Variants in BIRC3 observed in about 807,000 individuals in gnomAD.
BIRC3 encodes the protein baculoviral IAP repeat-containing protein 3.
BIRC3 carries 26 observed loss-of-function variants against 59.0 expected under a neutral mutation model. The ratio of observed to expected loss-of-function variants is 0.44; its 90% CI spans 0.32 to 0.61. The LOEUF is 0.61. Ranked by LOEUF, BIRC3 falls within the 20% of genes least tolerant of loss-of-function variation. The probability of loss-of-function intolerance (pLI) is 0.04; values close to 1 mark genes in which losing one functional copy is unlikely to be tolerated. For missense variants in BIRC3, 641 were observed against 711.5 expected, an observed-to-expected ratio of 0.90 and a Z score of 1.13; for synonymous variants, 243 against 249.2, an observed-to-expected ratio of 0.98 and a Z score of 0.24.
rs1231165091 is a variant in BIRC3 at position 102,324,488 on chromosome 11, T to C, written c.-22T>C. 1 of 1,583,472 alleles carries C rather than the reference T, an allele frequency of 6.3e-7. No individual in the cohort carries two copies. Among genetic ancestry groups the C allele is most frequent in the Non-Finnish European group, 8.6e-7 (1 of 1,164,380 alleles). ...CCTCCCTAGAGAAAGGCTAGTCCCT[T>C]TTCTTCCCCATTCATTTCATTATGA... On this transcript the variant is annotated 5_prime_UTR_variant, in exon 2 of 9. Coordinates refer to ENST00000263464, the MANE Select transcript of BIRC3 (RefSeq NM_001165.5).
intron 4 of BIRC3, among the ~76,000 whole-genome samples, chr11:102,328,331 C>T (rs989668415): frequency 2.6e-5 from 4 of 152,116 alleles, no homozygotes; most frequent in African/African-American, 7.2e-5. Context: ...CTGATAATGA[C>T]ACTTGTGATG....
rs929126495 is a variant in BIRC3 at position 102,325,464 on chromosome 11, A to T, written c.854-2A>T. ...TAAGTTTTGGTCTAAAATTAATTTT[A>T]GGTAACAGTGATGATGTCAAATGCT... On this transcript the variant is annotated splice_acceptor_variant, in intron 2 of 8. Transcript: ENST00000263464. LOFTEE classifies it high-confidence loss of function. 1 of 1,609,710 alleles carries T rather than the reference A, an allele frequency of 6.2e-7. No individual in the cohort carries two copies. The highest frequency in any genetic ancestry group is 8.5e-7 in the Non-Finnish European group (1 of 1,178,340).
At chr11:102,336,686 A>G (rs1951199778) in intron 7 of BIRC3, 74 bp from the exon 8 acceptor site, 1 of 1,440,424 alleles carries the variant, frequency 6.9e-7, no homozygotes. Context: ...TAAAGTGTTC[A>G]TTTTTAAAAT....
At chr11:102,321,726 C>T (rs1009637306) in intron 1 of BIRC3, 111 bp from the exon 2 acceptor site, 3 of 165,416 alleles carry the variant, frequency 1.8e-5, no homozygotes, top group Non-Finnish European at 4.0e-5. Flanking sequence ...GGTAAACGAT[C>T]AGTAATTACT....
intron 3 of BIRC3, among the ~76,000 whole-genome samples, chr11:102,327,643 A>C (rs2135786386): frequency 6.6e-6 from 1 of 152,294 alleles, no homozygotes; most frequent in Middle Eastern, 3.4e-3. Flanking sequence ...CTGTCTAAAA[A>C]AAAAAAAATT....
In BIRC3 at chr11:102,325,065, C is replaced by G; in HGVS notation, c.556C>G (p.Pro186Ala). ...GACATGGCCATTGACTTTTCTGTCG[C>G]CAACAGATCTGGCAAAAGCAGGCTT... is the stretch of plus-strand genomic sequence containing the variant. ...FQTWPLTFLS[P>A]TDLAKAGFYY... is the part of the protein sequence containing the mutation. The change falls in exon 2 of 9, where the codon CCA becomes GCA. Residue 186 changes from proline to alanine, a missense_variant. Pro to Ala is a conservative substitution (Grantham distance 27). Transcript: ENST00000263464. 1.2e-6 allele frequency: 2 copies of G among 1,614,150 alleles called. No individual in the cohort carries two copies. The highest frequency in any genetic ancestry group is 2.2e-5 in the South Asian group (2 of 91,080).
In BIRC3 at chr11:102,325,493, G is replaced by C; in HGVS notation, c.881G>C (p.Cys294Ser). The change falls in exon 3 of 9, where the codon TGC (cysteine) becomes TCC (serine). Residue 294 changes from cysteine to serine, a missense_variant. Transcript: ENST00000263464. Reference protein sequence around the residue: ...VGNSDDVKCFCCDGGLRCWES... With the variant: ...VGNSDDVKCFSCDGGLRCWES... ...AACAGTGATGATGTCAAATGCTTTTGCTGTGATGGTGGACTCAGGTGTTGG... is the reference window on the plus strand; with the variant it reads ...AACAGTGATGATGTCAAATGCTTTTCCTGTGATGGTGGACTCAGGTGTTGG... 1 of 1,612,710 alleles carries C rather than the reference G, an allele frequency of 6.2e-7. No homozygotes were observed. Among genetic ancestry groups the C allele is most frequent in the Non-Finnish European group, 8.5e-7 (1 of 1,179,178 alleles).
In BIRC3 at chr11:102,338,162, T is replaced by C. The variant is rs1951217312; in HGVS notation, c.*1060T>C. 4.4e-6 allele frequency: 1 copy of C among 228,406 alleles called. No individual in the cohort carries two copies. Among genetic ancestry groups the C allele is most frequent in the Admixed American group, 5.7e-5 (1 of 17,616 alleles). 14.1% of individuals were successfully genotyped at this position (228,406 alleles called of 1,614,324 possible). A position where few individuals can be genotyped will look rare whatever the true frequency, so the allele number is the denominator to read the frequency against. On this transcript the variant is annotated 3_prime_UTR_variant, in exon 9 of 9. Transcript: ENST00000263464. ...AAATGTCCCCCTCTGCATTATGTTATTGGTACTCAACACGTCCGAGTCATA... is the reference window on the plus strand; with the variant it reads ...AAATGTCCCCCTCTGCATTATGTTACTGGTACTCAACACGTCCGAGTCATA...
chr11:102,328,862 A>ATG lies in BIRC3; in HGVS notation c.1033-34_1033-33insGT, dbSNP rs750848119. ...AGATAAGATTTCTATTTTAATTTAT[A>ATG]TATATATATATATATATATTTTTTT... On this transcript the variant is annotated intron_variant, in intron 4 of 8. Transcript: ENST00000263464. 22 of 586,646 alleles carry ATG rather than the reference A, an allele frequency of 3.8e-5. 1 individual carries two copies. Among genetic ancestry groups the ATG allele is most frequent in the Admixed American group, 1.0e-4 (2 of 19,368 alleles). The allele number at this position is 586,646 out of a possible 1,614,324, so 36.3% of individuals were successfully genotyped here. A position where few individuals can be genotyped will look rare whatever the true frequency, so the allele number is the denominator to read the frequency against.
chr11:102,337,196 T>C lies in BIRC3; in HGVS notation c.*94T>C. 2 of 961,640 alleles carry C rather than the reference T, an allele frequency of 2.1e-6. No individual in the cohort carries two copies. The highest frequency in any genetic ancestry group is 2.8e-6 in the Non-Finnish European group (2 of 711,104). The allele number at this position is 961,640 out of a possible 1,614,324, so 59.6% of individuals were successfully genotyped here. On this transcript the variant is annotated 3_prime_UTR_variant, in exon 9 of 9. Coordinates refer to ENST00000263464, the MANE Select transcript of BIRC3 (RefSeq NM_001165.5). ...CCTAATTTGGTTTCCTTAAAATTTT[T>C]ATTTATTTACAACTCAAAAAACATT...
rs1951039039 is a variant in BIRC3, at chr11:102,322,360, G to A, written c.-2150G>A. On this transcript the variant is annotated 5_prime_UTR_variant, in exon 2 of 9. Transcript: ENST00000263464. The stretch of plus-strand genomic sequence containing the variant: ...TCAAGAACAAAGCTTTTTGATATGT[G>A]CAACAAATTTAGAGGAAGTAAAAAG... 1 of 206,028 alleles carries A rather than the reference G, an allele frequency of 4.9e-6. No individual in the cohort carries two copies. The highest frequency in any genetic ancestry group is 5.9e-5 in the Admixed American group (1 of 16,816). The allele number at this position is 206,028 out of a possible 1,614,324, so 12.8% of individuals were successfully genotyped here. A position where few individuals can be genotyped will look rare whatever the true frequency, so the allele number is the denominator to read the frequency against.
At chr11:102,336,408 G>A (rs1302066644) in intron 7 of BIRC3, 188 bp downstream of exon 7, 2 of 656,350 alleles carry the variant, frequency 3.0e-6, no homozygotes, top group African/African-American at 1.8e-5. Flanking sequence ...ACTGGACAAC[G>A]TGGCGAGACC....
intron 5 of BIRC3, among the ~76,000 whole-genome samples, chr11:102,330,512 A>T (rs1029865853): frequency 7.2e-5 from 11 of 152,202 alleles, no homozygotes; most frequent in Non-Finnish European, 1.6e-4. Flanking sequence ...GAGCAATGGA[A>T]TTGTTGATGG....
chr11:102,330,382 A>T (rs1339290004), intron 5 of BIRC3, among the ~76,000 whole-genome samples: 3 of 152,232 alleles, frequency 2.0e-5, no homozygotes, highest in African/African-American at 7.2e-5. Flanking sequence ...TCAGTTTGTG[A>T]CTTCTGGGCT....
rs1951227778 is a variant in BIRC3 at position 102,338,969 on chromosome 11, A to G, written c.*1867A>G. ...GAGCCCCAACATCTGCTAGTGTTGTAAAGAGAACAATTAGGGACCAAGTGA... is the reference window on the plus strand; with the variant it reads ...GAGCCCCAACATCTGCTAGTGTTGTGAAGAGAACAATTAGGGACCAAGTGA... On this transcript the variant is annotated 3_prime_UTR_variant, in exon 9 of 9. Coordinates refer to ENST00000263464, the MANE Select transcript of BIRC3 (RefSeq NM_001165.5). The G allele has an allele frequency of 4.6e-6, 1 of 216,800 alleles. No homozygotes were observed. Among genetic ancestry groups the G allele is most frequent in the Non-Finnish European group, 9.3e-6 (1 of 107,690 alleles). The allele number at this position is 216,800 out of a possible 1,614,324, so 13.4% of individuals were successfully genotyped here. A position where few individuals can be genotyped will look rare whatever the true frequency, so the allele number is the denominator to read the frequency against.
At chr11:102,329,828 C>T (rs1419780561) in intron 5 of BIRC3, among the ~76,000 whole-genome samples, 1 of 151,970 alleles carries the variant, frequency 6.6e-6, no homozygotes, top group Admixed American at 6.6e-5. Flanking sequence ...GGAGATACAC[C>T]TAATGTTAAA....
chr11:102,332,955 T>C (rs934168815), intron 6 of BIRC3, among the ~76,000 whole-genome samples: 6 of 152,226 alleles, frequency 3.9e-5, no homozygotes, highest in Non-Finnish European at 8.8e-5. Flanking sequence ...TCCACAACTG[T>C]TGAGAGACCC....
rs528275571 is a variant in BIRC3, at chr11:102,338,521, A to G, written c.*1419A>G. ...TATGCTTAGGTTTGATAATGAATGG[A>G]CAGCCCTGAAGAATAGTGATTGGAA... On this transcript the variant is annotated 3_prime_UTR_variant, in exon 9 of 9. Transcript: ENST00000263464. 22 of 229,510 alleles carry G rather than the reference A, an allele frequency of 9.6e-5. No individual in the cohort carries two copies. The East Asian group carries it at 1.2e-3, about 12-fold the overall frequency. 14.2% of individuals were successfully genotyped at this position (229,510 alleles called of 1,614,324 possible). A position where few individuals can be genotyped will look rare whatever the true frequency, so the allele number is the denominator to read the frequency against.
rs777456061 is a variant in BIRC3 at position 102,325,260 on chromosome 11, A to G, written c.751A>G (p.Ser251Gly). The change falls in exon 2 of 9, where the codon AGC becomes GGC. Residue 251 changes from serine (S) to glycine (G), a missense_variant. Ser to Gly is a moderately conservative substitution (Grantham distance 56). Transcript: ENST00000263464. ...TTCAAGATACACAGTTTCTAATCTG[A>G]GCATGCAGACACATGCAGCCCGCTT... Reference protein sequence around the residue: ...DTSRYTVSNLSMQTHAARFKT... With the variant: ...DTSRYTVSNLGMQTHAARFKT... 6.2e-7 allele frequency: 1 copy of G among 1,614,164 alleles called. No homozygotes were observed. Among genetic ancestry groups the G allele is most frequent in the Non-Finnish European group, 8.5e-7 (1 of 1,180,028 alleles).
Sources: allele counts gnomAD v4.1 joint callset (sites outside exome capture counted in the v4.1 genomes callset), GRCh38; gene constraint gnomAD v4.1.1; transcripts MANE v1.5; gene names NCBI Gene and HGNC (gene_info 2026-07-23, HGNC 2026-07-21).